The following ZNF775 variants were observed in gnomAD, a reference collection of about 807,000 sequenced individuals.
ZNF775 encodes zinc finger protein 775.
A neutral mutation model predicts 2.4 loss-of-function variants in ZNF775; 1 was observed. The ratio of observed to expected loss-of-function variants is 0.41; its 90% CI spans 0.15 to 1.94. The LOEUF (loss-of-function observed/expected upper bound fraction) is 1.94, where lower values mean the gene tolerates loss of function less well. Among genes scored for constraint, ZNF775 ranks in the 30% most tolerant of loss-of-function variants. ZNF775 has a pLI of 0.30. For synonymous variants in ZNF775, 381 were observed against 373.3 expected, an observed-to-expected ratio of 1.02 and a Z score of -0.24; for missense variants, 823 against 826.6, an observed-to-expected ratio of 1.00 and a Z score of 0.05.
At chr7:150,386,060 C>T (rs1183720991) in intron 1 of ZNF775, among the ~76,000 whole-genome samples, 3 of 152,072 alleles carry the variant, frequency 2.0e-5, no homozygotes, top group Admixed American at 6.5e-5. Context: ...CTCAGCTTCC[C>T]GAGTAGCTGG....
intron 2 of ZNF775, among the ~76,000 whole-genome samples, chr7:150,393,391 G>A (rs1360744764): frequency 6.6e-6 from 1 of 152,218 alleles, no homozygotes; most frequent in South Asian, 2.1e-4. Flanking sequence ...TGTGGTTCCT[G>A]CCCAGTTCTG....
At chr7:150,391,702 C>CTTT (rs145976534) in intron 2 of ZNF775, among the ~76,000 whole-genome samples, 2 of 68,732 alleles carry the variant, frequency 2.9e-5, no homozygotes, top group Non-Finnish European at 6.2e-5. Flanking sequence ...TTTTTCCTTT[C>CTTT]TTTCTTTTTT....
rs1450683927 is a variant in ZNF775, at chr7:150,384,206, C to T, written c.-49-4216C>T. ...TGTGTGTCCTGCTCCCCTCAGAGCC[C>T]GAGGGGCAGCAGAGAGGAAAGGTGG... On this transcript the variant is annotated intron_variant, in intron 1 of 2. Transcript: ENST00000329630. This position sits in a 1 kb window ranked among gnomAD's most constrained non-coding sequence, Gnocchi z 4.1. Among the ~76,000 whole-genome samples, 7 of 152,194 alleles carry T rather than the reference C, an allele frequency of 4.6e-5. No individual in the cohort carries two copies. The highest frequency in any genetic ancestry group is 7.3e-5 in the Non-Finnish European group (5 of 68,036).
At chr7:150,388,155 C>T (rs2129621014) in intron 1 of ZNF775, among the ~76,000 whole-genome samples, 1 of 152,306 alleles carries the variant, frequency 6.6e-6, no homozygotes, top group South Asian at 2.1e-4. Flanking sequence ...TCCAGCTCTG[C>T]CATTCATCAC....
rs1183921593 is a variant in ZNF775, at chr7:150,397,814, C to T, written c.1333C>T (p.Gln445Ter). The change falls in exon 3 of 3, where the codon CAG becomes TAG. Residue 445 changes from glutamine (Q) to a stop codon, truncating the protein, a stop_gained. Coordinates refer to ENST00000329630, the MANE Select transcript of ZNF775 (RefSeq NM_173680.4). LOFTEE classifies it low-confidence loss of function (END_TRUNC). ...CCTCGCTGGGCCTGGCGAGCCGCGC[C>T]AGTTCATCTGCAACGAGTGCGGCAA... ...AGLAGPGEPR[Q>*]FICNECGKSF... 1 of 1,591,810 alleles carries T rather than the reference C, an allele frequency of 6.3e-7. No homozygotes were observed. Among genetic ancestry groups the T allele is most frequent in the Admixed American group, 1.7e-5 (1 of 58,298 alleles).
Position 150,396,976 on chromosome 7 carries a change from C to G in ZNF775, c.495C>G (p.Cys165Trp). ...ACACGGGCGAGCGACCCTTCTGCTGCCCCGAGTGCGCGCGGCGCTTCAGCC... is the reference window on the plus strand; with the variant it reads ...ACACGGGCGAGCGACCCTTCTGCTGGCCCGAGTGCGCGCGGCGCTTCAGCC... Reference protein sequence around the residue: ...RHHTGERPFCCPECARRFSQK... With the variant: ...RHHTGERPFCWPECARRFSQK... The change falls in exon 3 of 3, where the codon TGC (cysteine) becomes TGG (tryptophan). Residue 165 changes from cysteine to tryptophan, a missense_variant. Coordinates refer to ENST00000329630, the MANE Select transcript of ZNF775 (RefSeq NM_173680.4). The G allele has an allele frequency of 1.3e-6, 2 of 1,599,750 alleles. No individual in the cohort carries two copies. The highest frequency in any genetic ancestry group is 1.7e-6 in the Non-Finnish European group (2 of 1,179,174).
intron 1 of ZNF775, among the ~76,000 whole-genome samples, chr7:150,380,661 C>G (rs1264662583): frequency 6.6e-6 from 1 of 152,204 alleles, no homozygotes; most frequent in Admixed American, 6.5e-5. Flanking sequence ...GTTGAGTTCT[C>G]AGTTCCCTCT....
At position 150,397,132 on chromosome 7, in the gene ZNF775, C is replaced by A. The variant is rs995026444; in HGVS notation, c.651C>A (p.Arg217=). The change falls in exon 3 of 3, where the codon CGC becomes CGA. Residue 217 remains arginine, a synonymous_variant. Transcript: ENST00000329630. ...RIHQRAHARD[R]QGSRAGLHEL... ...ACCAGCGCGCGCACGCCCGGGACCGCCAGGGCTCCCGCGCCGGCCTGCACG... is the reference window on the plus strand; with the variant it reads ...ACCAGCGCGCGCACGCCCGGGACCGACAGGGCTCCCGCGCCGGCCTGCACG... The A allele has an allele frequency of 1.3e-6, 2 of 1,507,304 alleles. No homozygotes were observed. Among genetic ancestry groups the A allele is most frequent in the African/African-American group, 2.8e-5 (2 of 70,534 alleles). 93.4% of individuals were successfully genotyped at this position (1,507,304 alleles called of 1,614,324 possible).
intron 2 of ZNF775, among the ~76,000 whole-genome samples, chr7:150,394,275 T>C (rs1800610268): frequency 6.6e-6 from 1 of 152,248 alleles, no homozygotes; most frequent in Non-Finnish European, 1.5e-5. Flanking sequence ...TCCTAGTTAC[T>C]TGTATTGCCA....
intron 2 of ZNF775, among the ~76,000 whole-genome samples, chr7:150,389,104 C>G (rs565718494): frequency 6.6e-6 from 1 of 152,234 alleles, no homozygotes; most frequent in Admixed American, 6.5e-5. Flanking sequence ...CACTTGCAGC[C>G]CTTCCTGGAG....
rs965069813 is a variant in ZNF775 at position 150,379,374 on chromosome 7, C to G, written c.-68C>G. On this transcript the variant is annotated 5_prime_UTR_variant, in exon 1 of 3. Transcript: ENST00000329630. ...CCTCGGGGTGGCAGTTCCCGTTAAC[C>G]TTAGCCACAAAGTCAAAGGTATTTA... 1.3e-5 allele frequency: 2 copies of G among 152,252 alleles called. No homozygotes were observed. Among genetic ancestry groups the G allele is most frequent in the Non-Finnish European group, 2.9e-5 (2 of 68,050 alleles). 9.4% of individuals were successfully genotyped at this position (152,252 alleles called of 1,614,324 possible).
intron 1 of ZNF775, among the ~76,000 whole-genome samples, chr7:150,388,197 C>T (rs547566022): frequency 4.6e-5 from 7 of 152,310 alleles, no homozygotes; most frequent in East Asian, 3.9e-4. Flanking sequence ...AGGGGTCCTT[C>T]GTGGTCTCAG....
At chr7:150,380,769 T>A (rs11976415) in intron 1 of ZNF775, among the ~76,000 whole-genome samples, 11,106 of 152,302 alleles carry the variant, frequency 0.073, 443 homozygotes, top group African/African-American at 0.088. Flanking sequence ...TTTAGTTTCT[T>A]TAGGCAACCA....
intron 2 of ZNF775, among the ~76,000 whole-genome samples, chr7:150,391,350 A>T (rs1407243403): frequency 6.6e-6 from 1 of 152,232 alleles, no homozygotes; most frequent in East Asian, 1.9e-4. Context: ...TCTACTAAAA[A>T]TACAAAACTT....
intron 1 of ZNF775, among the ~76,000 whole-genome samples, chr7:150,383,314 C>G (rs920914302): frequency 1.3e-5 from 2 of 152,192 alleles, no homozygotes; most frequent in African/African-American, 2.4e-5. Context: ...GAGGAGCCAC[C>G]TCTTGGGTCC....
At position 150,397,043 on chromosome 7, in the gene ZNF775, C is replaced by A. The variant is rs1467292776; in HGVS notation, c.562C>A (p.Pro188Thr). 2 of 1,596,422 alleles carry A rather than the reference C, an allele frequency of 1.3e-6. No homozygotes were observed. Among genetic ancestry groups the A allele is most frequent in the Non-Finnish European group, 8.5e-7 (1 of 1,177,932 alleles). ...LLKHQKTHSRPATHSCPECER... is the reference protein window; with the variant it reads ...LLKHQKTHSRTATHSCPECER... ...CAAGCACCAGAAGACCCACTCCCGG[C>A]CCGCCACCCACTCGTGCCCCGAGTG... Residue 188 changes from proline to threonine, a missense_variant, in exon 3 of 3, where the codon CCC becomes ACC. Pro to Thr is a conservative substitution (Grantham distance 38). Transcript: ENST00000329630.
At chr7:150,390,011 A>T (rs1800534179) in intron 2 of ZNF775, among the ~76,000 whole-genome samples, 1 of 151,964 alleles carries the variant, frequency 6.6e-6, no homozygotes, top group African/African-American at 2.4e-5. Flanking sequence ...TGTAGCCATC[A>T]CTGCCATCTA....
At position 150,385,507 on chromosome 7, in the gene ZNF775, C is replaced by T. The variant is rs529640903; in HGVS notation, c.-49-2915C>T. ...TGACTGCAAAGACGGGAGCTCTGAGCCTGCAATACCCCGAATGACTGCAAA... is the reference window on the plus strand; with the variant it reads ...TGACTGCAAAGACGGGAGCTCTGAGTCTGCAATACCCCGAATGACTGCAAA... On this transcript the variant is annotated intron_variant, in intron 1 of 2. Coordinates refer to ENST00000329630, the MANE Select transcript of ZNF775 (RefSeq NM_173680.4). 1.0e-4 allele frequency among the ~76,000 whole-genome samples: 6 copies of T among 58,748 alleles called. No homozygotes were observed. The East Asian group carries it at 2.0e-3, about 19-fold the overall frequency. 38.5% of individuals were successfully genotyped at this position (58,748 alleles called of 152,430 possible).
intron 1 of ZNF775, 77 bp from the exon 2 acceptor site, chr7:150,388,345 G>C: frequency 9.0e-7 from 1 of 1,115,570 alleles, no homozygotes; most frequent in Admixed American, 2.2e-5. Context: ...TTATGGGATG[G>C]GAGGGGGGCT....
Sources: gnomAD v4.1 joint callset for allele counts (sites outside exome capture counted in the v4.1 genomes callset) on GRCh38, gnomAD v4.1.1 for gene constraint, Gnocchi (gnomAD v3.1) non-coding constraint, MANE v1.5 for transcripts, NCBI Gene and HGNC (gene_info 2026-07-23, HGNC 2026-07-21) for gene names.